HP1BP3: variants seen among roughly 807,000 people sequenced by gnomAD.
HP1BP3 encodes the protein heterochromatin protein 1 binding protein 3.
HP1BP3 carries 12 observed loss-of-function variants against 62.5 expected under a neutral mutation model. The observed-to-expected ratio is 0.19, with a 90% CI of 0.12 to 0.31. The LOEUF is 0.31. Among genes scored for constraint, HP1BP3 ranks in the 10% least tolerant of loss-of-function variants. The probability of loss-of-function intolerance (pLI) is 1.00; values close to 1 mark genes in which losing one functional copy is unlikely to be tolerated. For missense variants in HP1BP3, 502 were observed against 651.8 expected, an observed-to-expected ratio of 0.77 and a Z score of 2.50; for synonymous variants, 260 against 237.8, an observed-to-expected ratio of 1.09 and a Z score of -0.86.
In HP1BP3 at chr1:20,749,714, G is replaced by T. The variant is rs375085843; in HGVS notation, c.1141+9C>A. 1.9e-6 allele frequency: 3 copies of T among 1,606,094 alleles called. No individual in the cohort carries two copies. The highest frequency in any genetic ancestry group is 2.2e-5 in the South Asian group (2 of 89,834). On this transcript the variant is annotated intron_variant, in intron 10 of 12. Transcript: ENST00000438032. The stretch of plus-strand genomic sequence containing the variant: ...TAATCCCAGTTAAATATACACAACC[G>T]AGTCTTACTTTGATAGTTAGAATTG...
intron 6 of HP1BP3, among the ~76,000 whole-genome samples, chr1:20,768,709 G>C (rs573843924): frequency 6.6e-6 from 1 of 151,992 alleles, no homozygotes; most frequent in Non-Finnish European, 1.5e-5. Flanking sequence ...GTGTGGTAGC[G>C]GGCGCCTGTA....
intron 5 of HP1BP3, among the ~76,000 whole-genome samples, chr1:20,771,849 G>C (rs2057075347): frequency 1.3e-5 from 2 of 152,112 alleles, no homozygotes; most frequent in African/African-American, 4.8e-5. Flanking sequence ...CATCAATTTT[G>C]TACTGCCACA....
At chr1:20,763,469 G>A (rs2056599820) in intron 8 of HP1BP3, among the ~76,000 whole-genome samples, 1 of 152,154 alleles carries the variant, frequency 6.6e-6, no homozygotes, top group African/African-American at 2.4e-5. Context: ...TTCTGAAAAT[G>A]TGGCTTCTGG....
chr1:20,763,233 CTTTA>C (rs2154540490), intron 8 of HP1BP3, among the ~76,000 whole-genome samples: 1 of 152,188 alleles, frequency 6.6e-6, no homozygotes, highest in East Asian at 1.9e-4. Context: ...GCCAAATAAA[CTTTA>C]TTCTTTGTTA....
intron 11 of HP1BP3, 44 bp downstream of exon 11, chr1:20,747,500 T>TA (rs72300054): frequency 0.061 from 73,381 of 1,193,244 alleles, 4,717 homozygotes; most frequent in East Asian, 0.35. Context: ...GTGTGTAACT[T>TA]AGACTATAAA....
At position 20,744,725 on chromosome 1, in the gene HP1BP3, TA is replaced by T; in HGVS notation, c.*71del. On this transcript the variant is annotated 3_prime_UTR_variant, in exon 13 of 13. Transcript: ENST00000438032. ...AATGTAATTTGAAAAGCATCAAAAC[TA>T]AACAAATGCACACTGACCTTAGAAA... 1 of 1,362,676 alleles carries T rather than the reference TA, an allele frequency of 7.3e-7. No homozygotes were observed. Among genetic ancestry groups the T allele is most frequent in the African/African-American group, 1.5e-5 (1 of 68,808 alleles). The allele number at this position is 1,362,676 out of a possible 1,614,324, so 84.4% of individuals were successfully genotyped here.
At chr1:20,771,115 T>C (rs998011682) in intron 5 of HP1BP3, 42 bp from the exon 6 acceptor site, 4 of 1,460,606 alleles carry the variant, frequency 2.7e-6, no homozygotes, top group African/African-American at 2.9e-5. Flanking sequence ...TTTTATTAGA[T>C]AGAGCCTGAC....
At chr1:20,762,038 A>G (rs2056511844) in intron 8 of HP1BP3, among the ~76,000 whole-genome samples, 1 of 152,222 alleles carries the variant, frequency 6.6e-6, no homozygotes, top group Non-Finnish European at 1.5e-5. Flanking sequence ...AAGGGGAGAC[A>G]TTGTAGATAC....
At chr1:20,783,821 C>T (rs561285188) in intron 1 of HP1BP3, among the ~76,000 whole-genome samples, 2 of 149,184 alleles carry the variant, frequency 1.3e-5, no homozygotes, top group South Asian at 4.3e-4. Context: ...CTCTGCATTT[C>T]CTTAATAAAA....
intron 8 of HP1BP3, among the ~76,000 whole-genome samples, chr1:20,764,476 T>C (rs2056659680): frequency 6.6e-6 from 1 of 151,918 alleles, no homozygotes. Flanking sequence ...CCTGAGTAGC[T>C]GAGACTGCAC....
chr1:20,757,369 A>ATTT, intron 8 of HP1BP3, 113 bp from the exon 9 acceptor site: 4 of 400,546 alleles, frequency 1.0e-5, no homozygotes, highest in Non-Finnish European at 1.5e-5. Flanking sequence ...TATTATTATT[A>ATTT]TTATTTTTTT....
At chr1:20,785,986 G>C (rs1037613359) in intron 1 of HP1BP3, among the ~76,000 whole-genome samples, 1 of 152,162 alleles carries the variant, frequency 6.6e-6, no homozygotes, top group African/African-American at 2.4e-5. Flanking sequence ...ACGTTATTTC[G>C]AATTGGATTC....
At chr1:20,763,903 T>A (rs2056624814) in intron 8 of HP1BP3, among the ~76,000 whole-genome samples, 1 of 152,206 alleles carries the variant, frequency 6.6e-6, no homozygotes, top group South Asian at 2.1e-4. Context: ...TGCATATATC[T>A]ATCATATATA....
At chr1:20,758,959 G>C (rs1477754489) in intron 8 of HP1BP3, among the ~76,000 whole-genome samples, 1 of 152,030 alleles carries the variant, frequency 6.6e-6, no homozygotes, top group Non-Finnish European at 1.5e-5. Flanking sequence ...GGCTGGGAGA[G>C]AGGTTTTGGT....
In HP1BP3 at chr1:20,747,666, A is replaced by T; in HGVS notation, c.1142-11T>A. 2 of 1,551,770 alleles carry T rather than the reference A, an allele frequency of 1.3e-6. No homozygotes were observed. The highest frequency in any genetic ancestry group is 1.8e-6 in the Non-Finnish European group (2 of 1,127,378). On this transcript the variant is annotated splice_polypyrimidine_tract_variant and intron_variant, in intron 10 of 12. Coordinates refer to ENST00000438032, the MANE Select transcript of HP1BP3 (RefSeq NM_001372052.1). ...TTTTCAGCAAATGCACTGAAAAAAA[A>T]AATTCAGAAATGAAAGTTATCTAGT...
At chr1:20,766,244 T>C (rs2056776036) in intron 7 of HP1BP3, among the ~76,000 whole-genome samples, 1 of 152,126 alleles carries the variant, frequency 6.6e-6, no homozygotes, top group Admixed American at 6.5e-5. Flanking sequence ...AGATCCGAGA[T>C]TGCATTATTG....
At chr1:20,775,783 C>T (rs1305795179) in intron 4 of HP1BP3, 1 of 506,608 alleles carries the variant, frequency 2.0e-6, no homozygotes, top group Non-Finnish European at 3.4e-6. Flanking sequence ...GGTTTGTAGC[C>T]TAGAAGCAAC....
chr1:20,747,910 TCTCA>T (rs2055442319), intron 10 of HP1BP3, among the ~76,000 whole-genome samples: 1 of 152,150 alleles, frequency 6.6e-6, no homozygotes, highest in African/African-American at 2.4e-5. Flanking sequence ...AGAGACAAAG[TCTCA>T]CTATGTTGCC....
intron 6 of HP1BP3, among the ~76,000 whole-genome samples, chr1:20,770,184 C>CTT (rs1557662877): frequency 6.6e-6 from 1 of 152,160 alleles, no homozygotes; most frequent in Non-Finnish European, 1.5e-5. Context: ...CTCTGATACT[C>CTT]TTAACAGGCT....
Sources: gnomAD v4.1 joint callset for allele counts (sites outside exome capture counted in the v4.1 genomes callset) on GRCh38, gnomAD v4.1.1 for gene constraint, MANE v1.5 for transcripts, NCBI Gene and HGNC (gene_info 2026-07-23, HGNC 2026-07-21) for gene names.